Variants in ROPN1 observed in about 807,000 individuals in gnomAD.
The protein encoded by ROPN1 is rhophilin associated tail protein 1, also known as ropporin-1A.
In ROPN1, 14 loss-of-function variants were observed where a neutral mutation model predicts 20.5. That is an observed-to-expected ratio of 0.68 (90% CI 0.45 to 1.07). ROPN1 has a LOEUF of 1.07. Among genes scored for constraint, ROPN1 ranks in the 50% least tolerant of loss-of-function variants. The pLI, the probability that ROPN1 is intolerant of heterozygous loss-of-function variation, is 0.00. For missense variants in ROPN1, 169 were observed against 242.8 expected (o/e 0.70, Z 2.02); for synonymous variants, 76 against 95.7 (o/e 0.79, Z 1.20).
Position 123,970,101 on chromosome 3 carries a change from C to T in ROPN1, c.513G>A (p.Val171=), listed in dbSNP as rs747453184. 1.2e-6 allele frequency: 2 copies of T among 1,614,082 alleles called. No individual in the cohort carries two copies. The highest frequency in any genetic ancestry group is 1.3e-5 in the African/African-American group (1 of 74,936). ...CATGTGATGCAGAGATCTCCCCATC[C>T]ACTTTGGCAATATACGTGTAGAGAA... ...FQFLYTYIAK[V]DGEISASHVS... is the part of the protein sequence containing the mutation. The change falls in exon 5 of 6, where the codon GTG becomes GTA. Residue 171 remains valine (V), a synonymous_variant. Coordinates refer to ENST00000405845, the MANE Select transcript of ROPN1 (RefSeq NM_001317774.2).
intron 1 of ROPN1, 57 bp from the exon 2 acceptor site, chr3:123,980,550 G>C: frequency 1.3e-6 from 2 of 1,534,678 alleles, no homozygotes; most frequent in Non-Finnish European, 1.8e-6. Context: ...TACGATGAGA[G>C]CAATCCTGGA....
In ROPN1 at chr3:123,979,381, C is replaced by G. The variant is rs2038088369; in HGVS notation, c.116+985G>C. On this transcript the variant is annotated intron_variant, in intron 2 of 5. Coordinates refer to ENST00000405845, the MANE Select transcript of ROPN1 (RefSeq NM_001317774.2). ...CAACTCACTGGCTTTCTCTCAACGG[C>G]CTCTCTCACTCTCACTTTCCCACTG... 1.7e-5 allele frequency: 6 copies of G among 343,770 alleles called. No homozygotes were observed. In the Admixed American group the frequency reaches 2.0e-4, roughly 11 times the overall value. The allele number at this position is 343,770 out of a possible 1,614,324, so 21.3% of individuals were successfully genotyped here.
At chr3:123,978,064 G>A (rs1336945733) in intron 2 of ROPN1, among the ~76,000 whole-genome samples, 2 of 152,152 alleles carry the variant, frequency 1.3e-5, no homozygotes, top group East Asian at 3.8e-4. Flanking sequence ...ATAATATAGA[G>A]GGAATTTTGT....
rs533573458 is a variant in ROPN1 at position 123,971,269 on chromosome 3, G to A, written c.397-1052C>T. Among the ~76,000 whole-genome samples the A allele has an allele frequency of 1.5e-3, 232 of 152,292 alleles. 1 individual carries two copies. The highest frequency in any genetic ancestry group is 6.8e-3 in the Middle Eastern group (2 of 294). On this transcript the variant is annotated intron_variant, in intron 4 of 5. Coordinates refer to ENST00000405845, the MANE Select transcript of ROPN1 (RefSeq NM_001317774.2). ...ACTGTGGTGTGTGTTACCCAGGAGC[G>A]TAAGTCTATGTCAGGAGGTACTGAG...
intron 1 of ROPN1, among the ~76,000 whole-genome samples, chr3:123,988,994 A>C (rs2038335895): frequency 6.6e-6 from 1 of 152,128 alleles, no homozygotes; most frequent in African/African-American, 2.4e-5. Flanking sequence ...CTTTTCAAAG[A>C]GTGGTGATAT....
At chr3:123,978,153 G>A (rs1186649277) in intron 2 of ROPN1, among the ~76,000 whole-genome samples, 2 of 152,124 alleles carry the variant, frequency 1.3e-5, no homozygotes, top group African/African-American at 2.4e-5. Context: ...AAGGCAGAGC[G>A]AAAGCTACAT....
In ROPN1 at chr3:123,980,422, C is replaced by T. The variant is rs72968906; in HGVS notation, c.60G>A (p.Glu20=). Residue 20 remains glutamate (E), a synonymous_variant, in exon 2 of 6, where the codon GAG becomes GAA. Coordinates refer to ENST00000405845, the MANE Select transcript of ROPN1 (RefSeq NM_001317774.2). The part of the protein sequence containing the change: ...IPPELPKMLK[E]FAKAAIRVQP... ...GCACCCTAATGGCGGCTTTGGCAAA[C>T]TCCTTCAGCATCTTCGGCAGCTCCG... The T allele has an allele frequency of 1.5e-3, 2,433 of 1,614,182 alleles. 33 individuals are homozygous for T. In the African/African-American group the frequency reaches 0.023, roughly 15 times the overall value.
chr3:123,981,426 T>C (rs1192333437), intron 1 of ROPN1: 404 of 152,928 alleles, frequency 2.6e-3, no homozygotes, highest in African/African-American at 9.5e-3. Context: ...GATAAATTGC[T>C]AGGCAGGGTG....
intron 1 of ROPN1, among the ~76,000 whole-genome samples, chr3:123,982,048 G>A (rs1451451374): frequency 1.3e-5 from 2 of 152,158 alleles, no homozygotes; most frequent in Non-Finnish European, 2.9e-5. Flanking sequence ...AAATGTGCCA[G>A]TTAAAATACA....
intron 1 of ROPN1, among the ~76,000 whole-genome samples, chr3:123,988,793 A>G (rs1022502028): frequency 1.3e-5 from 2 of 152,010 alleles, no homozygotes; most frequent in African/African-American, 4.8e-5. Flanking sequence ...ATGAATAAAT[A>G]AGTCACACAC....
At chr3:123,987,744 C>G (rs549778161) in intron 1 of ROPN1, among the ~76,000 whole-genome samples, 5 of 152,218 alleles carry the variant, frequency 3.3e-5, no homozygotes, top group African/African-American at 1.2e-4. Context: ...TCCTACTTGA[C>G]CTTGTCCTTT....
In ROPN1 at chr3:123,980,496, A is replaced by G. The variant is rs1306406659; in HGVS notation, c.-12-3T>C. On this transcript the variant is annotated splice_region_variant and splice_polypyrimidine_tract_variant and intron_variant, in intron 1 of 5. Coordinates refer to ENST00000405845, the MANE Select transcript of ROPN1 (RefSeq NM_001317774.2). ...GTCTGAGCCATTGATTGGTTGGCCT[A>G]TTCTCAGGAGAAAAAAATACGTTAA... 6.2e-7 allele frequency: 1 copy of G among 1,611,966 alleles called. No individual in the cohort carries two copies. The highest frequency in any genetic ancestry group is 2.2e-5 in the East Asian group (1 of 44,800).
chr3:123,984,836 A>G (rs1402158879), intron 1 of ROPN1, among the ~76,000 whole-genome samples: 2 of 151,706 alleles, frequency 1.3e-5, no homozygotes, highest in African/African-American at 4.8e-5. Flanking sequence ...TCCCCTCAGT[A>G]TTTTGCTAAT....
rs189068405 is a variant in ROPN1 at position 123,981,693 on chromosome 3, T to A, written c.-12-1200A>T. On this transcript the variant is annotated intron_variant, in intron 1 of 5. Transcript: ENST00000405845. ...TTTTCAATTTATGCCAACACCAGCA[T>A]GGCTGGGAAATCCCAAGACAAGAAA... Among the ~76,000 whole-genome samples, 34 of 152,320 alleles carry A rather than the reference T, an allele frequency of 2.2e-4. No individual in the cohort carries two copies. In the East Asian group the frequency reaches 5.8e-3, roughly 26 times the overall value.
At chr3:123,980,229 C>T (rs1577369321) in intron 2 of ROPN1, 137 bp downstream of exon 2, 5 of 753,252 alleles carry the variant, frequency 6.6e-6, no homozygotes. Context: ...AGCATCAAAG[C>T]AATGCAAGAG....
intron 1 of ROPN1, among the ~76,000 whole-genome samples, chr3:123,982,785 A>G (rs1281945664): frequency 6.6e-6 from 1 of 152,204 alleles, no homozygotes; most frequent in Non-Finnish European, 1.5e-5. Flanking sequence ...AAGTACATTC[A>G]CATTGTTGTG....
intron 4 of ROPN1, among the ~76,000 whole-genome samples, chr3:123,970,594 G>T (rs1417122801): frequency 6.6e-6 from 1 of 152,068 alleles, no homozygotes; most frequent in Non-Finnish European, 1.5e-5. Flanking sequence ...TCTCTAAAGG[G>T]CTGAGATAGA....
At chr3:123,971,528 G>C (rs761502684) in intron 4 of ROPN1, among the ~76,000 whole-genome samples, 3 of 152,164 alleles carry the variant, frequency 2.0e-5, no homozygotes, top group Non-Finnish European at 2.9e-5. Context: ...TCCTCTCATG[G>C]AAATTGTTGT....
chr3:123,976,791 G>A lies in ROPN1; in HGVS notation c.234+73C>T, dbSNP rs1577366142. Reference sequence around the variant, plus strand: ...TCAGCTGACTGTCAGGAGAACAGAGGGCTTTTTGTCTGTACCCACCCAGCC... The same window carrying A: ...TCAGCTGACTGTCAGGAGAACAGAGAGCTTTTTGTCTGTACCCACCCAGCC... On this transcript the variant is annotated intron_variant, in intron 3 of 5. Transcript: ENST00000405845. The A allele has an allele frequency of 2.8e-6, 4 of 1,451,894 alleles. No homozygotes were observed. In the East Asian group the frequency reaches 6.9e-5, roughly 25 times the overall value. 89.9% of individuals were successfully genotyped at this position (1,451,894 alleles called of 1,614,324 possible).
Sources: allele counts gnomAD v4.1 joint callset (sites outside exome capture counted in the v4.1 genomes callset), GRCh38; gene constraint gnomAD v4.1.1; transcripts MANE v1.5; gene names NCBI Gene and HGNC (gene_info 2026-07-23, HGNC 2026-07-21).